CREM: variants seen among roughly 807,000 people sequenced by gnomAD.
CREM encodes cAMP-responsive element modulator.
A neutral mutation model predicts 37.3 loss-of-function variants in CREM; 13 were observed. That is an observed-to-expected ratio of 0.35 (90% CI 0.23 to 0.55). The LOEUF (loss-of-function observed/expected upper bound fraction) is 0.55, where lower values mean the gene tolerates loss of function less well. Ranked by LOEUF, CREM falls within the 20% of genes least tolerant of loss-of-function variation. The pLI, the probability that CREM is intolerant of heterozygous loss-of-function variation, is 0.88. For synonymous variants in CREM, 124 were observed against 120.2 expected (o/e 1.03, Z -0.21); for missense variants, 296 against 362.3 (o/e 0.82, Z 1.49).
intron 6 of CREM, among the ~76,000 whole-genome samples, chr10:35,203,419 C>T (rs904323295): frequency 6.6e-6 from 1 of 152,138 alleles, no homozygotes; most frequent in Admixed American, 6.5e-5. Flanking sequence ...TGTGGCCGGG[C>T]GCAGTGGCTC....
chr10:35,166,956 A>G (rs2132495445), intron 3 of CREM, among the ~76,000 whole-genome samples: 1 of 152,274 alleles, frequency 6.6e-6, no homozygotes, highest in South Asian at 2.1e-4. Flanking sequence ...AGCCTGGCAG[A>G]GATGGTAAAC....
At chr10:35,201,727 A>T (rs1210285255) in intron 6 of CREM, among the ~76,000 whole-genome samples, 2 of 152,178 alleles carry the variant, frequency 1.3e-5, no homozygotes, top group Non-Finnish European at 2.9e-5. Flanking sequence ...GCTATGTTAG[A>T]CTTATCTAAA....
At position 35,178,895 on chromosome 10, in the gene CREM, G is replaced by A. The variant is rs778914477; in HGVS notation, c.175G>A (p.Ala59Thr). Residue 59 changes from alanine (A) to threonine (T), a missense_variant, in exon 4 of 8, where the codon GCA becomes ACA. Transcript: ENST00000685392. Reference protein sequence around the residue: ...NSIPALAQVAAIAETDESAES... With the variant: ...NSIPALAQVATIAETDESAES... ...AGAAAATCTTGTATTATAGGTAGCAGCAATTGCAGAGACAGATGAATCTGC... is the reference window on the plus strand; with the variant it reads ...AGAAAATCTTGTATTATAGGTAGCAACAATTGCAGAGACAGATGAATCTGC... 27 of 1,607,582 alleles carry A rather than the reference G, an allele frequency of 1.7e-5. No individual in the cohort carries two copies. The highest frequency in any genetic ancestry group is 2.7e-5 in the African/African-American group (2 of 74,518).
chr10:35,170,449 T>A (rs893463655), intron 3 of CREM, among the ~76,000 whole-genome samples: 1 of 152,210 alleles, frequency 6.6e-6, no homozygotes, highest in African/African-American at 2.4e-5. Flanking sequence ...GTTTTTCTAT[T>A]GATTGGAATA....
intron 6 of CREM, among the ~76,000 whole-genome samples, chr10:35,204,966 G>T (rs2095486219): frequency 6.6e-6 from 1 of 152,174 alleles, no homozygotes; most frequent in African/African-American, 2.4e-5. Flanking sequence ...CAGAAATGCT[G>T]TGTTTTCCTC....
rs751805671 is a variant in CREM at position 35,137,846 on chromosome 10, G to A, written c.11G>A (p.Cys4Tyr). The A allele has an allele frequency of 3.2e-6, 5 of 1,586,308 alleles. No homozygotes were observed. Among genetic ancestry groups the A allele is most frequent in the Middle Eastern group, 1.7e-4 (1 of 6,008 alleles). ...ACAAATATCTTAACAATGAGCAAAT[G>A]TGCAAGGAAAAAATATATTAAGACA... The part of the protein sequence containing the change: MSK[C>Y]ARKKYIKTNP... The change falls in exon 2 of 8, where the codon TGT becomes TAT. Residue 4 changes from cysteine (C) to tyrosine (Y), a missense_variant. By Grantham distance (194) the Cys-to-Tyr change is radical (BLOSUM62 -2). This residue lies in a region of CREM where 257 missense variants were observed against 280.2 expected (regional missense o/e 0.92). Transcript: ENST00000685392.
chr10:35,203,722 T>G (rs1170967599), intron 6 of CREM, among the ~76,000 whole-genome samples: 2 of 152,044 alleles, frequency 1.3e-5, no homozygotes, highest in African/African-American at 4.8e-5. Context: ...AAAGTTTTTT[T>G]TTTTGTTTTT....
intron 3 of CREM, among the ~76,000 whole-genome samples, chr10:35,158,139 A>G (rs919417608): frequency 3.3e-5 from 5 of 152,244 alleles, no homozygotes; most frequent in Admixed American, 2.0e-4. Flanking sequence ...TAAAATGTCC[A>G]TACTACCCAA....
At chr10:35,170,167 A>G (rs1020545266) in intron 3 of CREM, among the ~76,000 whole-genome samples, 7 of 151,960 alleles carry the variant, frequency 4.6e-5, no homozygotes, top group East Asian at 1.9e-4. Context: ...GGGTTTCACC[A>G]TGTTAGCCAG....
intron 1 of CREM, among the ~76,000 whole-genome samples, chr10:35,132,510 A>G (rs2089620173): frequency 6.6e-6 from 1 of 152,232 alleles, no homozygotes; most frequent in Non-Finnish European, 1.5e-5. Context: ...AATCTATATT[A>G]GAGAGCCTCG....
At chr10:35,178,003 A>G (rs908156756) in intron 3 of CREM, among the ~76,000 whole-genome samples, 2 of 152,166 alleles carry the variant, frequency 1.3e-5, no homozygotes, top group Admixed American at 6.5e-5. Context: ...ACCTCCGTGT[A>G]CTTCGGGAAG....
intron 6 of CREM, among the ~76,000 whole-genome samples, chr10:35,205,165 A>G (rs775586220): frequency 6.6e-6 from 1 of 152,202 alleles, no homozygotes; most frequent in Non-Finnish European, 1.5e-5. Flanking sequence ...ACTCGAATCC[A>G]TCTGTCTTTT....
chr10:35,204,344 G>C (rs1038028436), intron 6 of CREM, among the ~76,000 whole-genome samples: 1 of 152,158 alleles, frequency 6.6e-6, no homozygotes, highest in Non-Finnish European at 1.5e-5. Flanking sequence ...GCTCACGCCT[G>C]TAATCTCAGC....
In CREM at chr10:35,212,028, T is replaced by C. The variant is rs771585002; in HGVS notation, c.*630T>C. The C allele has an allele frequency of 2.4e-6, 1 of 421,818 alleles. No individual in the cohort carries two copies. Among genetic ancestry groups the C allele is most frequent in the Non-Finnish European group, 4.1e-6 (1 of 241,848 alleles). 26.1% of individuals were successfully genotyped at this position (421,818 alleles called of 1,614,324 possible). A position where few individuals can be genotyped will look rare whatever the true frequency, so the allele number is the denominator to read the frequency against. On this transcript the variant is annotated 3_prime_UTR_variant, in exon 8 of 8. Coordinates refer to ENST00000685392, the MANE Select transcript of CREM (RefSeq NM_183011.2). ...AAATGTGTGTATTCTTAAAATGCAA[T>C]ATTTGTAAGGCTTGTTCCAATGCCA...
At chr10:35,151,380 G>C (rs2092589228) in intron 3 of CREM, among the ~76,000 whole-genome samples, 1 of 151,918 alleles carries the variant, frequency 6.6e-6, no homozygotes, top group African/African-American at 2.4e-5. Flanking sequence ...GTTTTTTTGA[G>C]ACAGAGTCTC....
chr10:35,151,359 T>C (rs1306444489), intron 3 of CREM, among the ~76,000 whole-genome samples: 1 of 152,182 alleles, frequency 6.6e-6, no homozygotes, highest in Admixed American at 6.5e-5. Flanking sequence ...GTTTTTGTTT[T>C]GTTTCGTTTT....
chr10:35,211,267 G>C lies in CREM; in HGVS notation c.769G>C (p.Glu257Gln). The C allele has an allele frequency of 6.2e-7, 1 of 1,613,868 alleles. No homozygotes were observed. The highest frequency in any genetic ancestry group is 1.1e-5 in the South Asian group (1 of 91,044). Reference protein sequence around the residue: ...RLMKNREAARECRRKKKEYVK... With the variant: ...RLMKNREAARQCRRKKKEYVK... ...TGTTGCTTCCAGGGAAGCTGCCCGG[G>C]AGTGTCGCAGGAAGAAGAAAGAATA... The change falls in exon 8 of 8, where the codon GAG becomes CAG. Residue 257 changes from glutamate (E) to glutamine (Q), a missense_variant. By Grantham distance (29) the Glu-to-Gln change is conservative (BLOSUM62 2). Transcript: ENST00000685392.
chr10:35,148,514 T>A, intron 3 of CREM, 23 bp downstream of exon 3: 1 of 1,596,714 alleles, frequency 6.3e-7, no homozygotes, highest in Non-Finnish European at 8.5e-7. Flanking sequence ...CAGGCACCGT[T>A]GAAAGTCAAA....
At chr10:35,201,784 G>A (rs556798807) in intron 6 of CREM, among the ~76,000 whole-genome samples, 138 of 152,218 alleles carry the variant, frequency 9.1e-4, no homozygotes, top group African/African-American at 3.0e-3. Context: ...ATCAAGAAAG[G>A]CCACTTTGAA....
Sources: allele counts gnomAD v4.1 joint callset (sites outside exome capture counted in the v4.1 genomes callset), GRCh38; gene constraint gnomAD v4.1.1; regional missense constraint gnomAD v4.1.1; transcripts MANE v1.5; gene names NCBI Gene and HGNC (gene_info 2026-07-23, HGNC 2026-07-21).